ADCY1: variants seen among roughly 807,000 people sequenced by gnomAD.
ADCY1 encodes adenylate cyclase 1.
Under a neutral mutation model 105.4 loss-of-function variants are expected in ADCY1, and 28 were observed. That is an observed-to-expected ratio of 0.27 (90% confidence interval 0.20 to 0.36). ADCY1 has a LOEUF of 0.36. Ranked by LOEUF, ADCY1 falls within the 10% of genes least tolerant of loss-of-function variation. ADCY1 has a pLI of 1.00. For missense variants in ADCY1, 977 were observed against 1,434.2 expected (o/e 0.68, Z 5.15); for synonymous variants, 655 against 623.8 (o/e 1.05, Z -0.75).
chr7:45,655,777 G>A (rs78306223), intron 5 of ADCY1, among the ~76,000 whole-genome samples: 8 of 152,124 alleles, frequency 5.3e-5, no homozygotes, highest in African/African-American at 1.7e-4. Flanking sequence ...GATGAAGGTG[G>A]GCATGGGTCC....
intron 4 of ADCY1, among the ~76,000 whole-genome samples, chr7:45,628,548 T>C (rs1376279227): frequency 6.6e-6 from 1 of 152,080 alleles, no homozygotes; most frequent in African/African-American, 2.4e-5. Flanking sequence ...ATGGGGAGTA[T>C]ATGAGGAGGC....
In ADCY1 at chr7:45,686,343, TG is replaced by T. The variant is rs766914299; in HGVS notation, c.2327+130del. On this transcript the variant is annotated intron_variant, in intron 13 of 19. Transcript: ENST00000297323. The surrounding 1 kb of genome is among the most constrained non-coding windows in gnomAD (Gnocchi z 4.3). ...TGAATTGTATACACAATTTTTAGTT[TG>T]GTGGCTGCTTCTCTTCAACCCAAGT... is the stretch of plus-strand genomic sequence containing the variant. The T allele has an allele frequency of 3.6e-4, 516 of 1,439,520 alleles. 1 individual carries two copies. The highest frequency in any genetic ancestry group is 1.6e-3 in the Middle Eastern group (8 of 4,940). The allele number at this position is 1,439,520 out of a possible 1,614,324, so 89.2% of individuals were successfully genotyped here. A position where few individuals can be genotyped will look rare whatever the true frequency, so the allele number is the denominator to read the frequency against.
rs549459766 is a variant in ADCY1, at chr7:45,692,376, T to C, written c.2454+5703T>C. Among the ~76,000 whole-genome samples the C allele has an allele frequency of 2.0e-5, 3 of 152,324 alleles. No homozygotes were observed. The East Asian group carries it at 5.8e-4, about 29-fold the overall frequency. ...TTGAGGTGTAACCCCTGCCCTTGGG[T>C]GCTCACAGGCTGTTAAAGGAATCAA... On this transcript the variant is annotated intron_variant, in intron 14 of 19. Transcript: ENST00000297323.
At chr7:45,588,206 T>C (rs1370300125) in intron 1 of ADCY1, among the ~76,000 whole-genome samples, 1 of 152,208 alleles carries the variant, frequency 6.6e-6, no homozygotes, top group Admixed American at 6.5e-5. Flanking sequence ...AGTTGGCTCC[T>C]GTGTCCTTTG....
At chr7:45,669,783 A>G (rs540956275) in intron 8 of ADCY1, among the ~76,000 whole-genome samples, 8 of 152,306 alleles carry the variant, frequency 5.3e-5, no homozygotes, top group Non-Finnish European at 1.0e-4. Flanking sequence ...TGTTTGGTCC[A>G]CACTTTTTGA....
chr7:45,688,962 A>G (rs1285655334), intron 14 of ADCY1, among the ~76,000 whole-genome samples: 1 of 150,564 alleles, frequency 6.6e-6, no homozygotes, highest in Non-Finnish European at 1.5e-5. Context: ...TTCCCATTTC[A>G]TTTATTTTTC....
At chr7:45,682,513 C>G (rs1159685068) in intron 11 of ADCY1, among the ~76,000 whole-genome samples, 1 of 152,228 alleles carries the variant, frequency 6.6e-6, no homozygotes, top group South Asian at 2.1e-4. Context: ...CAGGCACATT[C>G]AGAGGCCCTT....
At chr7:45,645,245 C>T (rs1404589668) in intron 4 of ADCY1, among the ~76,000 whole-genome samples, 1 of 152,130 alleles carries the variant, frequency 6.6e-6, no homozygotes, top group African/African-American at 2.4e-5. Context: ...CCACACCATG[C>T]AGTGACGGTC....
chr7:45,635,995 A>T (rs2116000598), intron 4 of ADCY1, among the ~76,000 whole-genome samples: 1 of 152,166 alleles, frequency 6.6e-6, no homozygotes, highest in East Asian at 1.9e-4. Context: ...TGTATTCTTA[A>T]ACTGTTATTC....
chr7:45,589,878 G>A (rs1792857322), intron 1 of ADCY1, among the ~76,000 whole-genome samples: 1 of 152,118 alleles, frequency 6.6e-6, no homozygotes, highest in Admixed American at 6.5e-5. Flanking sequence ...ACGGGGGTCT[G>A]AAGCTTCCAG....
intron 1 of ADCY1, among the ~76,000 whole-genome samples, chr7:45,587,415 T>A (rs1211183059): frequency 6.6e-6 from 1 of 151,964 alleles, no homozygotes. Context: ...TACAGCCTGA[T>A]TGTGGGTTGT....
chr7:45,609,314 G>A lies in ADCY1; in HGVS notation c.790-1065G>A, dbSNP rs115211607. Among the ~76,000 whole-genome samples, 950 of 152,300 alleles carry A rather than the reference G, an allele frequency of 6.2e-3. 10 individuals are homozygous for A. Among genetic ancestry groups the A allele is most frequent in the African/African-American group, 0.022 (895 of 41,572 alleles). On this transcript the variant is annotated intron_variant, in intron 2 of 19. Transcript: ENST00000297323. Reference sequence around the variant, plus strand: ...AGGAGGGACTCCCAGGGCTGTGCCCGGCAGGCTTGCGTGGCTGGGGATGGA... The same window carrying A: ...AGGAGGGACTCCCAGGGCTGTGCCCAGCAGGCTTGCGTGGCTGGGGATGGA...
chr7:45,656,012 G>A (rs1794931073), intron 5 of ADCY1, among the ~76,000 whole-genome samples: 1 of 152,102 alleles, frequency 6.6e-6, no homozygotes, highest in East Asian at 1.9e-4. Context: ...ATTCAGCTGG[G>A]CATGGTGGCT....
At chr7:45,646,921 T>C (rs538805939) in intron 4 of ADCY1, among the ~76,000 whole-genome samples, 20 of 152,348 alleles carry the variant, frequency 1.3e-4, no homozygotes, top group Non-Finnish European at 2.2e-4. Context: ...CAGAGCAGAC[T>C]TGGACCCTGG....
At chr7:45,583,107 T>G (rs185789413) in intron 1 of ADCY1, among the ~76,000 whole-genome samples, 3 of 152,342 alleles carry the variant, frequency 2.0e-5, no homozygotes, top group Admixed American at 2.0e-4. Flanking sequence ...GTGGGGCCTC[T>G]GTATGGGCAT....
intron 4 of ADCY1, among the ~76,000 whole-genome samples, chr7:45,642,503 T>C (rs527530469): frequency 6.6e-6 from 1 of 152,348 alleles, no homozygotes; most frequent in South Asian, 2.1e-4. Context: ...CCCCCCATCC[T>C]CTGTGACATT....
chr7:45,629,848 A>G (rs777985194), intron 4 of ADCY1, among the ~76,000 whole-genome samples: 1 of 152,262 alleles, frequency 6.6e-6, no homozygotes, highest in Non-Finnish European at 1.5e-5. Context: ...AAACAGACAC[A>G]ATGTTTTCAG....
chr7:45,645,558 C>T (rs929563318), intron 4 of ADCY1, among the ~76,000 whole-genome samples: 9 of 152,260 alleles, frequency 5.9e-5, no homozygotes, highest in Middle Eastern at 3.4e-3. Context: ...CCTTCAGCAG[C>T]CTTGTCCTGC....
chr7:45,574,276 C>T (rs1792243649), upstream of ADCY1: 1 of 389,956 alleles, frequency 2.6e-6, no homozygotes, highest in Non-Finnish European at 3.5e-6. This position sits in a 1 kb window ranked among gnomAD's most constrained non-coding sequence, Gnocchi z 7.0. Context: ...GTTCGCGGCT[C>T]CCGGGGCTCG....
Sources: gnomAD v4.1 joint callset for allele counts (sites outside exome capture counted in the v4.1 genomes callset) on GRCh38, gnomAD v4.1.1 for gene constraint, Gnocchi (gnomAD v3.1) non-coding constraint, MANE v1.5 for transcripts, NCBI Gene and HGNC (gene_info 2026-07-23, HGNC 2026-07-21) for gene names.